SLC35F3: variants seen among roughly 807,000 people sequenced by gnomAD.
The protein encoded by SLC35F3 is putative thiamine transporter SLC35F3.
SLC35F3 carries 25 observed loss-of-function variants against 49.9 expected under a neutral mutation model. That is an observed-to-expected ratio of 0.50 (90% CI 0.37 to 0.70). The LOEUF is 0.70. Ranked by LOEUF, SLC35F3 falls within the 30% of genes least tolerant of loss-of-function variation. SLC35F3 has a pLI of 0.00. For synonymous variants in SLC35F3, 275 were observed against 265.4 expected, an observed-to-expected ratio of 1.04 and a Z score of -0.35; for missense variants, 525 against 639.8, an observed-to-expected ratio of 0.82 and a Z score of 1.94.
At chr1:234,284,439 G>A (rs1307031429) in intron 3 of SLC35F3, among the ~76,000 whole-genome samples, 3 of 152,032 alleles carry the variant, frequency 2.0e-5, no homozygotes, top group African/African-American at 4.8e-5. Flanking sequence ...TATTTCCTTC[G>A]CACTCTTCAT....
At position 234,147,773 on chromosome 1, in the gene SLC35F3, G is replaced by A. The variant is rs377243714; in HGVS notation, c.284-83644G>A. Reference sequence around the variant, plus strand: ...TTTTTACTTTCAGACCCTTAGAGGCGTGGTTTTCAAGCTTCATTGTGAATC... The same window carrying A: ...TTTTTACTTTCAGACCCTTAGAGGCATGGTTTTCAAGCTTCATTGTGAATC... On this transcript the variant is annotated intron_variant, in intron 2 of 7. Transcript: ENST00000366618. Among the ~76,000 whole-genome samples the A allele has an allele frequency of 9.8e-5, 15 of 152,324 alleles. No homozygotes were observed. In the East Asian group the frequency reaches 1.2e-3, roughly 12 times the overall value.
At position 234,314,387 on chromosome 1, in the gene SLC35F3, A is replaced by G. The variant is rs537505246; in HGVS notation, c.829-2215A>G. Among the ~76,000 whole-genome samples, 4 of 152,316 alleles carry G rather than the reference A, an allele frequency of 2.6e-5. No individual in the cohort carries two copies. In the East Asian group the frequency reaches 7.7e-4, roughly 29 times the overall value. ...GGAAATGTGCCCTGCAAGTCTTCAG[A>G]AAAAATCACCCCTCACTGTCCTTCA... On this transcript the variant is annotated intron_variant, in intron 4 of 7. Transcript: ENST00000366618.
At chr1:234,254,194 GC>G in intron 3 of SLC35F3, among the ~76,000 whole-genome samples, 1 of 152,188 alleles carries the variant, frequency 6.6e-6, no homozygotes, top group South Asian at 2.1e-4. Flanking sequence ...ATTTTTTTAT[GC>G]CTTTGGCTTC....
At chr1:234,131,847 G>C (rs117399694) in intron 2 of SLC35F3, among the ~76,000 whole-genome samples, 1 of 152,192 alleles carries the variant, frequency 6.6e-6, no homozygotes, top group Non-Finnish European at 1.5e-5. Flanking sequence ...ATTTAGAACA[G>C]ATCACTTACC....
chr1:234,095,700 A>T (rs1478138586), intron 2 of SLC35F3, among the ~76,000 whole-genome samples: 1 of 152,206 alleles, frequency 6.6e-6, no homozygotes, highest in East Asian at 1.9e-4. Context: ...CCCAGGAGTC[A>T]ACCTACTTGG....
intron 2 of SLC35F3, among the ~76,000 whole-genome samples, chr1:234,228,929 A>C (rs1362745554): frequency 6.6e-6 from 1 of 152,210 alleles, no homozygotes; most frequent in Non-Finnish European, 1.5e-5. Flanking sequence ...TAGCAGTATG[A>C]AGAATGAGGT....
At chr1:234,075,157 C>A (rs1038864594) in intron 2 of SLC35F3, among the ~76,000 whole-genome samples, 3 of 152,148 alleles carry the variant, frequency 2.0e-5, no homozygotes, top group African/African-American at 4.8e-5. Flanking sequence ...TGATATAAAT[C>A]TGAGAGACAT....
At chr1:234,023,807 C>A (rs1284092304) in intron 2 of SLC35F3, among the ~76,000 whole-genome samples, 4 of 149,594 alleles carry the variant, frequency 2.7e-5, no homozygotes, top group Non-Finnish European at 4.5e-5. Context: ...CCAATAACGC[C>A]AATCTAGTTC....
rs527939592 is a variant in SLC35F3, at chr1:234,271,904, C to T, written c.609-37197C>T. Among the ~76,000 whole-genome samples the T allele has an allele frequency of 3.9e-5, 6 of 152,150 alleles. No homozygotes were observed. The South Asian group carries it at 8.3e-4, about 21-fold the overall frequency. ...CTTTGGGAGGCGAAGGTGGGTGGAT[C>T]GCTTGAGTCCAGGAGTTCAAGACCA... On this transcript the variant is annotated intron_variant, in intron 3 of 7. Transcript: ENST00000366618.
intron 3 of SLC35F3, among the ~76,000 whole-genome samples, chr1:234,269,223 T>C (rs552616155): frequency 6.6e-6 from 1 of 152,200 alleles, no homozygotes; most frequent in Non-Finnish European, 1.5e-5. Flanking sequence ...GGAGGACCAT[T>C]TCCTGATATT....
At chr1:234,055,513 G>A (rs184766287) in intron 2 of SLC35F3, among the ~76,000 whole-genome samples, 38 of 152,344 alleles carry the variant, frequency 2.5e-4, no homozygotes, top group South Asian at 1.9e-3. Flanking sequence ...GAAAAGCGCA[G>A]GATTAGGGTG....
At chr1:234,090,844 T>C (rs114902439) in intron 2 of SLC35F3, among the ~76,000 whole-genome samples, 179 of 152,292 alleles carry the variant, frequency 1.2e-3, no homozygotes, top group African/African-American at 4.1e-3. Context: ...AAATGTTATC[T>C]ATAAAGAAGC....
At chr1:234,275,223 C>A (rs1206766437) in intron 3 of SLC35F3, among the ~76,000 whole-genome samples, 2 of 152,098 alleles carry the variant, frequency 1.3e-5, no homozygotes, top group Admixed American at 1.3e-4. Flanking sequence ...GAAAATTACC[C>A]TCAGGCTATG....
intron 2 of SLC35F3, among the ~76,000 whole-genome samples, chr1:234,021,339 A>C (rs977533769): frequency 3.9e-5 from 6 of 152,230 alleles, no homozygotes; most frequent in African/African-American, 1.4e-4. Flanking sequence ...ACATAGACCC[A>C]GCATCCTCAT....
At position 233,904,725 on chromosome 1, in the gene SLC35F3, G is replaced by C. The variant is rs187942445; in HGVS notation, c.-353G>C. Among the ~76,000 whole-genome samples the C allele has an allele frequency of 0.013, 1,929 of 151,924 alleles. 44 individuals carry two copies. Among genetic ancestry groups the C allele is most frequent in the African/African-American group, 0.044 (1,842 of 41,516 alleles). ...AGGTGCCTCGAGAGCGCACAGCTGG[G>C]AGGGCTCTCCCGGTCGCGGCGAGAC... On this transcript the variant is annotated 5_prime_UTR_variant, in exon 1 of 8. Transcript: ENST00000366618.
intron 2 of SLC35F3, among the ~76,000 whole-genome samples, chr1:234,192,710 A>G (rs12061665): frequency 2.2e-4 from 34 of 152,194 alleles, no homozygotes; most frequent in Admixed American, 4.6e-4. Flanking sequence ...GACTCCTCCA[A>G]AAAGCTCCTA....
At chr1:233,956,871 G>GC (rs1410999906) in intron 2 of SLC35F3, among the ~76,000 whole-genome samples, 1 of 152,156 alleles carries the variant, frequency 6.6e-6, no homozygotes, top group Non-Finnish European at 1.5e-5. Context: ...AGCTTGCAAG[G>GC]CCCCCTAGGA....
At chr1:234,125,699 A>T (rs1296064175) in intron 2 of SLC35F3, among the ~76,000 whole-genome samples, 1 of 152,172 alleles carries the variant, frequency 6.6e-6, no homozygotes, top group Non-Finnish European at 1.5e-5. Flanking sequence ...TTTCCTAAAG[A>T]ACATCTCTCT....
intron 2 of SLC35F3, among the ~76,000 whole-genome samples, chr1:234,156,724 A>AT (rs1666157819): frequency 6.6e-6 from 1 of 152,218 alleles, no homozygotes; most frequent in African/African-American, 2.4e-5. Context: ...CCAGATCTCC[A>AT]TTAACTGATG....
Sources: allele counts gnomAD v4.1 joint callset (sites outside exome capture counted in the v4.1 genomes callset), GRCh38; gene constraint gnomAD v4.1.1; transcripts MANE v1.5; gene names NCBI Gene and HGNC (gene_info 2026-07-23, HGNC 2026-07-21).